ACE: variants seen among roughly 807,000 people sequenced by gnomAD.
ACE encodes angiotensin I converting enzyme.
ACE carries 122 observed loss-of-function variants against 162.3 expected under a neutral mutation model. That is an observed-to-expected ratio of 0.75 (90% CI 0.65 to 0.87). The LOEUF is 0.87. Ranked by LOEUF, ACE falls within the 40% of genes least tolerant of loss-of-function variation. ACE has a pLI of 0.00. For missense variants in ACE, 1,799 were observed against 1,735.1 expected (o/e 1.04, Z -0.65); for synonymous variants, 796 against 720.6 (o/e 1.10, Z -1.68).
chr17:63,485,451 G>T, intron 13 of ACE, 79 bp downstream of exon 13: 1 of 1,573,390 alleles, frequency 6.4e-7, no homozygotes, highest in Non-Finnish European at 8.7e-7. Flanking sequence ...ACACAGTGGG[G>T]CTGCCACCAC....
rs1325149928 is a variant in ACE at position 63,491,181 on chromosome 17, G to T, written c.2740-28G>T. The T allele has an allele frequency of 1.7e-5, 28 of 1,613,618 alleles. No individual in the cohort carries two copies. Among genetic ancestry groups the T allele is most frequent in the Non-Finnish European group, 2.4e-5 (28 of 1,180,006 alleles). On this transcript the variant is annotated intron_variant, in intron 18 of 24. Transcript: ENST00000290866. This position sits in a 1 kb window ranked among gnomAD's most constrained non-coding sequence, Gnocchi z 4.4. ...ACGCAGTCTGTCCCCGGAACCCCCAGTTTGGGCAGAACTCCCTCTGCTTGC... is the reference window on the plus strand; with the variant it reads ...ACGCAGTCTGTCCCCGGAACCCCCATTTTGGGCAGAACTCCCTCTGCTTGC...
chr17:63,481,843 C>A, intron 7 of ACE, 105 bp downstream of exon 7: 1 of 1,458,376 alleles, frequency 6.9e-7, no homozygotes, highest in Non-Finnish European at 9.6e-7. Flanking sequence ...CTGCCTCTAC[C>A]CTACCCCAGC....
In ACE at chr17:63,491,341, C is replaced by G; in HGVS notation, c.2872C>G (p.His958Asp). Residue 958 changes from histidine (H) to aspartate (D), a missense_variant, in exon 19 of 25, where the codon CAC becomes GAC. Physicochemically the swap from His to Asp is moderately conservative, Grantham distance 81. Coordinates refer to ENST00000290866, the MANE Select transcript of ACE (RefSeq NM_000789.4). This position sits in a 1 kb window ranked among gnomAD's most constrained non-coding sequence, Gnocchi z 4.4. ...KPTDGREVVC[H>D]ASAWDFYNGK... is the part of the protein sequence containing the mutation. The stretch of plus-strand genomic sequence containing the variant: ...AACCGACGGGCGGGAGGTGGTCTGC[C>G]ACGCCTCGGCCTGGGACTTCTACAA... 2 of 1,614,120 alleles carry G rather than the reference C, an allele frequency of 1.2e-6. No individual in the cohort carries two copies. The highest frequency in any genetic ancestry group is 1.7e-6 in the Non-Finnish European group (2 of 1,180,024).
chr17:63,481,227 GGGTGGGGCGC>G, intron 6 of ACE, 39 bp downstream of exon 6: 1 of 1,377,892 alleles, frequency 7.3e-7, no homozygotes, highest in Admixed American at 1.7e-5. Flanking sequence ...TGGGGGTCGG[GGGTGGGGCGC>G]AAAAAAAGGG....
chr17:63,494,340 C>A, intron 21 of ACE, 32 bp from the exon 22 acceptor site: 1 of 1,603,480 alleles, frequency 6.2e-7, no homozygotes, highest in Non-Finnish European at 8.5e-7. Context: ...TCTCCCCAAA[C>A]TCATCTTCCA....
intron 3 of ACE, 133 bp downstream of exon 3, chr17:63,479,233 G>T (rs1488632479): frequency 1.4e-5 from 11 of 778,116 alleles, no homozygotes; most frequent in Non-Finnish European, 2.0e-5. Flanking sequence ...CTCCAACTGG[G>T]GCTGGACGGT....
At position 63,480,339 on chromosome 17, in the gene ACE, T is replaced by C. The variant is rs772619837; in HGVS notation, c.658T>C (p.Phe220Leu). The C allele has an allele frequency of 6.2e-7, 1 of 1,613,696 alleles. No homozygotes were observed. The highest frequency in any genetic ancestry group is 8.5e-7 in the Non-Finnish European group (1 of 1,180,018). ...ATACCTCACCCCCACGCCCCCAGGCTTCACAGACACGGGGGCCTACTGGCG... is the reference window on the plus strand; with the variant it reads ...ATACCTCACCCCCACGCCCCCAGGCCTCACAGACACGGGGGCCTACTGGCG... ...LSNEAYKQDG[F>L]TDTGAYWRSW... The change falls in exon 5 of 25, where the codon TTC becomes CTC. Residue 220 changes from phenylalanine (F) to leucine (L), a missense_variant and splice_region_variant. Phe to Leu is a conservative substitution (Grantham distance 22, BLOSUM62 0). Transcript: ENST00000290866.
At chr17:63,480,288 A>T (rs768717063) in intron 4 of ACE, 49 bp from the exon 5 acceptor site, 2 of 1,594,924 alleles carry the variant, frequency 1.3e-6, no homozygotes, top group Non-Finnish European at 1.7e-6. Flanking sequence ...TGAGAGGCTG[A>T]GGTCCGAGCC....
At chr17:63,497,011 C>A (rs768453609) in intron 24 of ACE, 26 bp downstream of exon 24, 1 of 1,600,830 alleles carries the variant, frequency 6.2e-7, no homozygotes, top group Non-Finnish European at 8.5e-7. Flanking sequence ...CCACCTCCAG[C>A]CTTGGGTCTT....
rs551801825 is a variant in ACE at position 63,483,854 on chromosome 17, T to C, written c.1592T>C (p.Phe531Ser). The C allele has an allele frequency of 6.2e-7, 1 of 1,613,958 alleles. No homozygotes were observed. Among genetic ancestry groups the C allele is most frequent in the Non-Finnish European group, 8.5e-7 (1 of 1,179,982 alleles). Residue 531 changes from phenylalanine to serine, a missense_variant, in exon 11 of 25, where the codon TTT (phenylalanine) becomes TCT (serine). Transcript: ENST00000290866. The stretch of plus-strand genomic sequence containing the variant: ...CTCCCACCCTGTGCCTGCAGGTACT[T>C]TGTGAGTTTTGTCCTGCAGTTCCAG... ...VPNVTPYIRY[F>S]VSFVLQFQFH...
intron 6 of ACE, 84 bp downstream of exon 6, chr17:63,481,272 G>C (rs1030386437): frequency 6.1e-6 from 8 of 1,317,534 alleles, no homozygotes; most frequent in Admixed American, 1.9e-5. Context: ...ACAGGGGCGG[G>C]AAGGTTTCGG....
intron 15 of ACE, 55 bp from the exon 16 acceptor site, chr17:63,488,593 T>G (rs768598016): frequency 6.3e-7 from 1 of 1,581,368 alleles, no homozygotes; most frequent in South Asian, 1.1e-5. Flanking sequence ...TGAGCTCCCC[T>G]TACAAGCAGA....
At chr17:63,477,801 G>T in intron 1 of ACE, 130 bp from the exon 2 acceptor site, 1 of 1,151,284 alleles carries the variant, frequency 8.7e-7, no homozygotes, top group South Asian at 1.4e-5. Context: ...GTCTCCCGCA[G>T]GGATCTCCCC....
Position 63,493,434 on chromosome 17 carries a change from A to G in ACE, c.2913-2A>G. The G allele has an allele frequency of 6.2e-7, 1 of 1,613,916 alleles. No individual in the cohort carries two copies. The highest frequency in any genetic ancestry group is 8.5e-7 in the Non-Finnish European group (1 of 1,179,920). ...CCCTCTCCCCCACTCCACTATTCCT[A>G]GGATCAAGCAGTGCACCACCGTGAA... On this transcript the variant is annotated splice_acceptor_variant, in intron 19 of 24. Transcript: ENST00000290866. LOFTEE classifies it high-confidence loss of function.
chr17:63,492,203 A>T (rs1163135839), intron 19 of ACE, among the ~76,000 whole-genome samples: 2 of 152,156 alleles, frequency 1.3e-5, no homozygotes, highest in Non-Finnish European at 2.9e-5. Context: ...GGGCAGATTT[A>T]CCTGGCAGCC....
At chr17:63,490,875 C>T (rs1439095621) in intron 17 of ACE, 79 bp from the exon 18 acceptor site, 46 of 1,310,666 alleles carry the variant, frequency 3.5e-5, no homozygotes, top group African/African-American at 1.2e-4. Context: ...GGATCTGGAG[C>T]GCTCTTCCTG....
rs763587114 is a variant in ACE, at chr17:63,481,109, G to A, written c.866G>A (p.Ser289Asn). The A allele has an allele frequency of 6.2e-7, 1 of 1,613,968 alleles. No homozygotes were observed. The highest frequency in any genetic ancestry group is 8.5e-7 in the Non-Finnish European group (1 of 1,180,020). ...AHLLGDMWAQ[S>N]WENIYDMVVP... Reference sequence around the variant, plus strand: ...TATCTAGGAGACATGTGGGCCCAGAGCTGGGAAAACATCTACGACATGGTG... The same window carrying A: ...TATCTAGGAGACATGTGGGCCCAGAACTGGGAAAACATCTACGACATGGTG... Residue 289 changes from serine (S) to asparagine (N), a missense_variant, in exon 6 of 25, where the codon AGC (serine) becomes AAC (asparagine). By Grantham distance (46) the Ser-to-Asn change is conservative. Transcript: ENST00000290866.
In ACE at chr17:63,484,524, A is replaced by C. The variant is rs774004648; in HGVS notation, c.1904A>C (p.Asn635Thr). ...CAGTGGCACCCGCCGTTGCCTGACA[A>C]CTACCCGGAGGGCATAGGTAAAGCC... ...EYQWHPPLPD[N>T]YPEGIDLVTD... The change falls in exon 12 of 25, where the codon AAC becomes ACC. Residue 635 changes from asparagine (N) to threonine (T), a missense_variant. Asn to Thr is a moderately conservative substitution (Grantham distance 65, BLOSUM62 0). Transcript: ENST00000290866. The surrounding 1 kb of genome is among the most constrained non-coding windows in gnomAD (Gnocchi z 4.0). 1 of 1,611,798 alleles carries C rather than the reference A, an allele frequency of 6.2e-7. No homozygotes were observed. The highest frequency in any genetic ancestry group is 8.5e-7 in the Non-Finnish European group (1 of 1,179,762).
At chr17:63,477,464 C>G in intron 1 of ACE, 121 bp downstream of exon 1, 1 of 807,802 alleles carries the variant, frequency 1.2e-6, no homozygotes, top group Non-Finnish European at 1.6e-6. Context: ...GACCCCGGAC[C>G]CTCGCCCCGA....
Sources: gnomAD v4.1 joint callset for allele counts (sites outside exome capture counted in the v4.1 genomes callset) on GRCh38, gnomAD v4.1.1 for gene constraint, Gnocchi (gnomAD v3.1) non-coding constraint, MANE v1.5 for transcripts, NCBI Gene and HGNC (gene_info 2026-07-23, HGNC 2026-07-21) for gene names.